ALG14: variants seen among roughly 807,000 people sequenced by gnomAD.
The protein encoded by ALG14 is UDP-N-acetylglucosamine transferase subunit ALG14.
Under a neutral mutation model 22.8 loss-of-function variants are expected in ALG14, and 17 were observed. The observed-to-expected ratio is 0.75, with a 90% CI of 0.51 to 1.12. The LOEUF (loss-of-function observed/expected upper bound fraction) is 1.12. Among genes scored for constraint, ALG14 ranks in the 50% most tolerant of loss-of-function variants. ALG14 has a pLI of 0.00. For missense variants in ALG14, 288 were observed against 271.8 expected, an observed-to-expected ratio of 1.06 and a Z score of -0.42; for synonymous variants, 89 against 103.7, an observed-to-expected ratio of 0.86 and a Z score of 0.86.
intron 2 of ALG14, among the ~76,000 whole-genome samples, chr1:95,049,218 AAAGAT>A (rs1323918504): frequency 9.8e-5 from 15 of 152,336 alleles, no homozygotes; most frequent in Non-Finnish European, 1.5e-4. Flanking sequence ...ATAATTACAA[AAAGAT>A]AAATAAATAA....
intron 2 of ALG14, among the ~76,000 whole-genome samples, chr1:95,031,367 A>C (rs139393644): frequency 7.7e-4 from 117 of 152,318 alleles, no homozygotes; most frequent in African/African-American, 2.7e-3. Context: ...AAGAAAGCCA[A>C]GGTGGAAGCC....
intron 3 of ALG14, among the ~76,000 whole-genome samples, chr1:95,008,569 A>T (rs2100746081): frequency 6.6e-6 from 1 of 152,288 alleles, no homozygotes; most frequent in South Asian, 2.1e-4. Flanking sequence ...GAAAAAATGT[A>T]ATCTGTAGAA....
At chr1:95,040,163 C>A (rs1674334636) in intron 2 of ALG14, among the ~76,000 whole-genome samples, 1 of 145,456 alleles carries the variant, frequency 6.9e-6, no homozygotes, top group Non-Finnish European at 1.5e-5. Context: ...CAGAGTGAGA[C>A]CCTGTCTCAA....
At chr1:95,056,816 T>C (rs1230869710) in intron 2 of ALG14, among the ~76,000 whole-genome samples, 1 of 151,392 alleles carries the variant, frequency 6.6e-6, no homozygotes, top group African/African-American at 2.4e-5. Context: ...CCCAGCACTT[T>C]GGGAGGCCAA....
Position 94,980,743 on chromosome 1 carries a change from T to C in ALG14, c.*2333A>G, listed in dbSNP as rs2100705278. 6.6e-6 allele frequency: 1 copy of C among 152,338 alleles called. No homozygotes were observed. Among genetic ancestry groups the C allele is most frequent in the African/African-American group, 2.4e-5 (1 of 41,582 alleles). 9.4% of individuals were successfully genotyped at this position (152,338 alleles called of 1,614,324 possible). Reference sequence around the variant, plus strand: ...GATCAGGAAGATGCAATAACACATGTCTCAGCCTGGCTCTGAATGAGTACA... The same window carrying C: ...GATCAGGAAGATGCAATAACACATGCCTCAGCCTGGCTCTGAATGAGTACA... On this transcript the variant is annotated 3_prime_UTR_variant, in exon 4 of 4. Coordinates refer to ENST00000370205, the MANE Select transcript of ALG14 (RefSeq NM_144988.4).
intron 2 of ALG14, among the ~76,000 whole-genome samples, chr1:95,059,294 G>A (rs747500377): frequency 6.0e-5 from 9 of 151,164 alleles, no homozygotes; most frequent in Non-Finnish European, 1.2e-4. Context: ...CTACTAGGGG[G>A]GCTGAGGCAG....
chr1:95,064,122 A>C (rs1675267748), intron 2 of ALG14, among the ~76,000 whole-genome samples: 1 of 152,162 alleles, frequency 6.6e-6, no homozygotes, highest in Admixed American at 6.6e-5. Context: ...GATTCTGCAC[A>C]TTGATTTTGT....
At chr1:95,011,621 G>T (rs1381464438) in intron 3 of ALG14, among the ~76,000 whole-genome samples, 2 of 151,930 alleles carry the variant, frequency 1.3e-5, no homozygotes, top group African/African-American at 4.8e-5. Flanking sequence ...TAGAGATGGG[G>T]TTTCACCGTG....
rs1396101294 is a variant in ALG14, at chr1:94,975,860, A to C, written c.*7216T>G. 5 of 151,830 alleles carry C rather than the reference A, an allele frequency of 3.3e-5. No homozygotes were observed. The highest frequency in any genetic ancestry group is 7.4e-5 in the Non-Finnish European group (5 of 68,026). The allele number at this position is 151,830 out of a possible 1,614,324, so 9.4% of individuals were successfully genotyped here. On this transcript the variant is annotated 3_prime_UTR_variant, in exon 4 of 4. Transcript: ENST00000370205. Reference sequence around the variant, plus strand: ...CTAAAAATACAAAAAAAACAAACAAAAAAAAAATTAGCCGGGCGTGGTGAC... The same window carrying C: ...CTAAAAATACAAAAAAAACAAACAACAAAAAAATTAGCCGGGCGTGGTGAC...
At chr1:95,070,469 A>G (rs1245152430) in intron 1 of ALG14, among the ~76,000 whole-genome samples, 1 of 152,174 alleles carries the variant, frequency 6.6e-6, no homozygotes, top group Non-Finnish European at 1.5e-5. Flanking sequence ...TTGTATCTGT[A>G]TGTTGGCCTT....
At chr1:95,042,577 T>G (rs1015260706) in intron 2 of ALG14, among the ~76,000 whole-genome samples, 3 of 152,212 alleles carry the variant, frequency 2.0e-5, no homozygotes, top group African/African-American at 7.2e-5. Context: ...GAGTCTCCCT[T>G]TTGGGTGCCC....
intron 1 of ALG14, among the ~76,000 whole-genome samples, chr1:95,067,982 G>A (rs898033027): frequency 3.9e-5 from 6 of 152,080 alleles, no homozygotes; most frequent in Admixed American, 3.3e-4. Flanking sequence ...GGCTTTCCCT[G>A]ACAATCTTCA....
rs545046911 is a variant in ALG14 at position 95,041,392 on chromosome 1, TGGGAGGCCAAGGCAGA to T, written c.289-14148_289-14133del. On this transcript the variant is annotated intron_variant, in intron 2 of 3. Coordinates refer to ENST00000370205, the MANE Select transcript of ALG14 (RefSeq NM_144988.4). ...TACAAACATTTCTTTCAGAACTGATTGGGAGGCCAAGGCAGAAGGAGACTAGCGTAGGCAACACAGC... is the reference window on the plus strand; with the variant it reads ...TACAAACATTTCTTTCAGAACTGATTAGGAGACTAGCGTAGGCAACACAGC... 35 of 151,932 alleles carry T rather than the reference TGGGAGGCCAAGGCAGA, an allele frequency of 2.3e-4. 1 individual carries two copies. The East Asian group carries it at 6.8e-3, about 29-fold the overall frequency. The allele number at this position is 151,932 out of a possible 1,614,324, so 9.4% of individuals were successfully genotyped here. A position where few individuals can be genotyped will look rare whatever the true frequency, so the allele number is the denominator to read the frequency against.
At chr1:95,050,161 T>C (rs986908784) in intron 2 of ALG14, among the ~76,000 whole-genome samples, 2 of 152,232 alleles carry the variant, frequency 1.3e-5, no homozygotes, top group Non-Finnish European at 2.9e-5. Flanking sequence ...CCGAGCGATA[T>C]GGATGAGATC....
intron 3 of ALG14, among the ~76,000 whole-genome samples, chr1:95,009,576 T>A (rs1339719985): frequency 1.3e-5 from 2 of 152,076 alleles, no homozygotes; most frequent in African/African-American, 4.8e-5. Context: ...AAAGAATAAA[T>A]CCCATTATTT....
At chr1:95,033,227 C>T (rs1238449402) in intron 2 of ALG14, among the ~76,000 whole-genome samples, 1 of 151,934 alleles carries the variant, frequency 6.6e-6, no homozygotes, top group Non-Finnish European at 1.5e-5. Context: ...CCTCCCACTC[C>T]CAGAACTACC....
In ALG14 at chr1:95,034,192, TCA is replaced by T. The variant is rs10523939; in HGVS notation, c.289-6934_289-6933del. Reference sequence around the variant, plus strand: ...CAGATCTTGTCTAAACATTACCCACTCAGAGGGGAGACAGTTCTTCTCCAAAT... The same window carrying T: ...CAGATCTTGTCTAAACATTACCCACTGAGGGGAGACAGTTCTTCTCCAAAT... On this transcript the variant is annotated intron_variant, in intron 2 of 3. Transcript: ENST00000370205. Among the ~76,000 whole-genome samples, 69 of 152,294 alleles carry T rather than the reference TCA, an allele frequency of 4.5e-4. 1 individual carries two copies. The East Asian group carries it at 0.013, about 29-fold the overall frequency.
intron 1 of ALG14, among the ~76,000 whole-genome samples, chr1:95,070,225 T>C (rs1675516026): frequency 6.6e-6 from 1 of 152,220 alleles, no homozygotes. Context: ...CATTAAATTA[T>C]ACCCTTTTGT....
chr1:95,053,698 T>C (rs1674829536), intron 2 of ALG14, among the ~76,000 whole-genome samples: 1 of 152,142 alleles, frequency 6.6e-6, no homozygotes, highest in African/African-American at 2.4e-5. Context: ...AGCGTTAGGA[T>C]TATAGGTATG....
Sources: allele counts gnomAD v4.1 joint callset (sites outside exome capture counted in the v4.1 genomes callset), GRCh38; gene constraint gnomAD v4.1.1; transcripts MANE v1.5; gene names NCBI Gene and HGNC (gene_info 2026-07-23, HGNC 2026-07-21).